HDHD5: variants seen among roughly 807,000 people sequenced by gnomAD.
HDHD5 encodes haloacid dehalogenase like hydrolase domain containing 5.
HDHD5 carries 34 observed loss-of-function variants against 35.5 expected under a neutral mutation model. The ratio of observed to expected loss-of-function variants is 0.96; its 90% CI spans 0.73 to 1.28. HDHD5 has a LOEUF of 1.28. Ranked by LOEUF, HDHD5 falls within the 50% of genes most tolerant of loss-of-function variation. The pLI is 0.00. For synonymous variants in HDHD5, 248 were observed against 240.6 expected (o/e 1.03, Z -0.29); for missense variants, 589 against 560.2 (o/e 1.05, Z -0.52).
chr22:17,157,156 T>C (rs1223177847), intron 1 of HDHD5, among the ~76,000 whole-genome samples: 1 of 151,638 alleles, frequency 6.6e-6, no homozygotes, highest in Non-Finnish European at 1.5e-5. Context: ...TGAAGATATA[T>C]TTAGTACAGC....
At chr22:17,158,959 C>G (rs1004170298) in intron 1 of HDHD5, 167 bp downstream of exon 1, 2 of 556,952 alleles carry the variant, frequency 3.6e-6, no homozygotes, top group African/African-American at 4.0e-5. Context: ...GAAGGCAGGG[C>G]GCATCCGCCC....
rs2061841603 is a variant in HDHD5, at chr22:17,159,259, T to A, written c.-8A>T. On this transcript the variant is annotated 5_prime_UTR_variant, in exon 1 of 8. Coordinates refer to ENST00000336737, the MANE Select transcript of HDHD5 (RefSeq NM_033070.3). ...ACAGCCCCACGCAGCCATCCGGCCG[T>A]CGCCGTGCGCACGTGCACGGCGTGC... 13 of 1,161,336 alleles carry A rather than the reference T, an allele frequency of 1.1e-5. No individual in the cohort carries two copies. The highest frequency in any genetic ancestry group is 4.0e-5 in the South Asian group (2 of 49,754). The allele number at this position is 1,161,336 out of a possible 1,614,324, so 71.9% of individuals were successfully genotyped here.
At chr22:17,141,624 G>T in intron 5 of HDHD5, 2 of 1,051,264 alleles carry the variant, frequency 1.9e-6, no homozygotes, top group South Asian at 3.3e-5. Flanking sequence ...GGGACTGGCA[G>T]AACCTAACAG....
intron 5 of HDHD5, chr22:17,141,463 G>C (rs2061600742): frequency 4.4e-6 from 6 of 1,350,576 alleles, no homozygotes; most frequent in Non-Finnish European, 5.7e-6. Flanking sequence ...TCTGACTTCA[G>C]TCCACCAGTG....
At chr22:17,157,620 TAAA>T (rs1365661689) in intron 1 of HDHD5, among the ~76,000 whole-genome samples, 1 of 152,218 alleles carries the variant, frequency 6.6e-6, no homozygotes, top group Non-Finnish European at 1.5e-5. Context: ...ACAACAGTTA[TAAA>T]TAAGGGCGAT....
intron 5 of HDHD5, 46 bp downstream of exon 5, chr22:17,143,052 A>G: frequency 6.2e-7 from 1 of 1,600,424 alleles, no homozygotes; most frequent in African/African-American, 1.3e-5. Flanking sequence ...GCCAGAGAGG[A>G]GACGGAGAAA....
At chr22:17,152,956 T>C (rs916945921) in intron 1 of HDHD5, among the ~76,000 whole-genome samples, 17 of 151,734 alleles carry the variant, frequency 1.1e-4, no homozygotes, top group African/African-American at 3.9e-4. Flanking sequence ...GCAGGGACCC[T>C]GGAAAAACAG....
intron 1 of HDHD5, among the ~76,000 whole-genome samples, chr22:17,152,375 G>C (rs904431660): frequency 6.6e-6 from 1 of 152,074 alleles, no homozygotes; most frequent in Non-Finnish European, 1.5e-5. Context: ...GGAGATCAGG[G>C]GGCATTATCA....
chr22:17,152,268 G>A (rs1466806162), intron 1 of HDHD5, among the ~76,000 whole-genome samples: 2 of 118,960 alleles, frequency 1.7e-5, no homozygotes, highest in Non-Finnish European at 3.4e-5. Flanking sequence ...ACTGCATTGG[G>A]TGGACTGAAG....
chr22:17,151,727 T>TAAA (rs59104154), intron 1 of HDHD5, among the ~76,000 whole-genome samples: 51 of 113,010 alleles, frequency 4.5e-4, no homozygotes, highest in Non-Finnish European at 6.3e-4. Flanking sequence ...TAGACTCTAC[T>TAAA]AAAAAAAAAA....
upstream of HDHD5, chr22:17,159,496 A>C: frequency 6.5e-5 from 31 of 473,828 alleles, no homozygotes; most frequent in Non-Finnish European, 9.4e-5. Flanking sequence ...GCGGCGCACA[A>C]TGGGCACGGC....
In HDHD5 at chr22:17,137,925, C is replaced by CA; in HGVS notation, c.*95dup. 1 of 1,049,246 alleles carries CA rather than the reference C, an allele frequency of 9.5e-7. No homozygotes were observed. The highest frequency in any genetic ancestry group is 1.4e-6 in the Non-Finnish European group (1 of 727,000). 65.0% of individuals were successfully genotyped at this position (1,049,246 alleles called of 1,614,324 possible). A position where few individuals can be genotyped will look rare whatever the true frequency, so the allele number is the denominator to read the frequency against. On this transcript the variant is annotated 3_prime_UTR_variant, in exon 8 of 8. Transcript: ENST00000336737. Reference sequence around the variant, plus strand: ...GCAGCAAGAAGGGTGGCAAGGGAACCAAGCCCTGACCTGAGCCCAGTGATC... The same window carrying CA: ...GCAGCAAGAAGGGTGGCAAGGGAACCAAAGCCCTGACCTGAGCCCAGTGATC...
chr22:17,143,328 G>A (rs1179265953), intron 4 of HDHD5, 197 bp from the exon 5 acceptor site: 3 of 534,186 alleles, frequency 5.6e-6, no homozygotes, highest in South Asian at 2.7e-5. Context: ...ATGGCCAGGT[G>A]GGGCCACAGA....
At chr22:17,159,285 G>GGC, upstream of HDHD5, 5 of 1,146,946 alleles carry the variant, frequency 4.4e-6, no homozygotes, top group Non-Finnish European at 5.4e-6. Context: ...CACGGCGTGC[G>GGC]GCCCCCCCCC....
At chr22:17,138,809 C>G in intron 6 of HDHD5, 71 bp from the exon 7 acceptor site, 1 of 1,555,930 alleles carries the variant, frequency 6.4e-7, no homozygotes, top group South Asian at 1.2e-5. Flanking sequence ...ACGACTGCCA[C>G]TGTCTAAGCA....
At chr22:17,159,458 C>G (rs1313885561), upstream of HDHD5, 7 of 560,786 alleles carry the variant, frequency 1.2e-5, no homozygotes, top group Non-Finnish European at 2.2e-5. Context: ...CCCGCCGCCT[C>G]CTAGACCGAG....
At chr22:17,165,252 TC>T (rs961300948) in exon 1 of HDHD5, 3 of 775,424 alleles carry the variant, frequency 3.9e-6, no homozygotes, top group Non-Finnish European at 7.2e-6. Flanking sequence ...CATGATTTAG[TC>T]CCCTCTCCTC....
chr22:17,138,635 T>G lies in HDHD5; in HGVS notation c.850A>C (p.Thr284Pro). ...ATCAGGTCCTCGGCATACTGGTAAG[T>G]GAGGATGCTGGGTTTGCCCATCAGG... ...EGLMGKPSIL[T>P]YQYAEDLIRR... The change falls in exon 7 of 8, where the codon ACT becomes CCT. Residue 284 changes from threonine to proline, a missense_variant. Thr to Pro is a conservative substitution (Grantham distance 38). Transcript: ENST00000336737. 7 of 1,614,218 alleles carry G rather than the reference T, an allele frequency of 4.3e-6. No homozygotes were observed. The highest frequency in any genetic ancestry group is 5.9e-6 in the Non-Finnish European group (7 of 1,180,036).
At chr22:17,148,899 G>A (rs1257557445) in intron 2 of HDHD5, among the ~76,000 whole-genome samples, 4 of 152,162 alleles carry the variant, frequency 2.6e-5, no homozygotes, top group East Asian at 1.9e-4. Context: ...TGTCACTGTC[G>A]CAGAAACTGG....
Sources: gnomAD v4.1 joint callset for allele counts (sites outside exome capture counted in the v4.1 genomes callset) on GRCh38, gnomAD v4.1.1 for gene constraint, MANE v1.5 for transcripts, NCBI Gene and HGNC (gene_info 2026-07-23, HGNC 2026-07-21) for gene names.